The following TSEN15 variants were observed in gnomAD, a reference collection of about 807,000 sequenced individuals.
The protein encoded by TSEN15 is tRNA splicing endonuclease subunit 15, also known as tRNA-splicing endonuclease subunit Sen15.
TSEN15 carries 10 observed loss-of-function variants against 20.5 expected under a neutral mutation model. The ratio of observed to expected loss-of-function variants is 0.49; its 90% confidence interval spans 0.30 to 0.83. The LOEUF (loss-of-function observed/expected upper bound fraction) is 0.83. Ranked by LOEUF, TSEN15 falls within the 40% of genes least tolerant of loss-of-function variation. TSEN15 has a pLI of 0.06. For missense variants in TSEN15, 180 were observed against 218.6 expected (o/e 0.82, Z 1.11); for synonymous variants, 72 against 80.1 (o/e 0.90, Z 0.54).
At chr1:184,052,456 A>C (rs932382681) in intron 1 of TSEN15, among the ~76,000 whole-genome samples, 7 of 152,166 alleles carry the variant, frequency 4.6e-5, no homozygotes, top group African/African-American at 1.7e-4. Context: ...GCAGCAGGCG[A>C]GATCAAGATA....
Position 184,051,887 on chromosome 1 carries a change from T to G in TSEN15, c.132T>G (p.Pro44=), listed in dbSNP as rs1485122974. The change falls in exon 1 of 5, where the codon CCT becomes CCG. Residue 44 remains proline, a synonymous_variant. Transcript: ENST00000645668. The part of the protein sequence containing the change: ...APEDAWMGTH[P]KYLEMMELDI... ...AGGACGCCTGGATGGGCACTCACCC[T>G]AAGGTCAGGAGGCGCGAGAGGAGCA... is the stretch of plus-strand genomic sequence containing the variant. 6.5e-7 allele frequency: 1 copy of G among 1,549,292 alleles called. No individual in the cohort carries two copies. The highest frequency in any genetic ancestry group is 1.4e-5 in the African/African-American group (1 of 72,198).
At chr1:184,084,193 C>A (rs894807898) in intron 3 of TSEN15, among the ~76,000 whole-genome samples, 3 of 151,980 alleles carry the variant, frequency 2.0e-5, no homozygotes, top group African/African-American at 7.2e-5. Context: ...GCCCAGCATA[C>A]AATAATCTAT....
intron 3 of TSEN15, among the ~76,000 whole-genome samples, chr1:184,092,794 T>C (rs1163187278): frequency 6.6e-6 from 1 of 152,228 alleles, no homozygotes; most frequent in Non-Finnish European, 1.5e-5. Flanking sequence ...GAGGGCCTCA[T>C]TTCTGTAACA....
At position 184,059,866 on chromosome 1, in the gene TSEN15, T is replaced by A. The variant is rs142806687; in HGVS notation, c.353+5003T>A. 3.1e-3 allele frequency among the ~76,000 whole-genome samples: 470 copies of A among 152,360 alleles called. 2 individuals carry two copies. The highest frequency in any genetic ancestry group is 7.4e-3 in the African/African-American group (306 of 41,600). ...CATTACAGGTGTGAGCCACTAGGCC[T>A]GGCCTATCCCTTCATCTCTACTGGT... On this transcript the variant is annotated intron_variant, in intron 3 of 4. Coordinates refer to ENST00000645668, the MANE Select transcript of TSEN15 (RefSeq NM_052965.4).
chr1:184,056,012 C>T (rs1650239203), intron 3 of TSEN15, among the ~76,000 whole-genome samples: 1 of 151,620 alleles, frequency 6.6e-6, no homozygotes, highest in South Asian at 2.1e-4. Flanking sequence ...TGACCTTATA[C>T]ACTTAATATT....
intron 3 of TSEN15, chr1:184,070,659 T>C (rs1650848560): frequency 7.7e-7 from 1 of 1,291,072 alleles, no homozygotes; most frequent in African/African-American, 1.5e-5. Context: ...CTTAGCTACA[T>C]TAAAAGATTT....
intron 3 of TSEN15, among the ~76,000 whole-genome samples, chr1:184,088,430 C>CA (rs1651302074): frequency 6.6e-6 from 1 of 150,966 alleles, no homozygotes; most frequent in Non-Finnish European, 1.5e-5. Flanking sequence ...TCTTTGCTGC[C>CA]AAAAAATGGG....
intron 3 of TSEN15, chr1:184,094,203 A>G (rs956738184): frequency 2.6e-5 from 4 of 152,326 alleles, no homozygotes; most frequent in Admixed American, 2.6e-4. Context: ...AATAAGACCC[A>G]GAAAAGTTAA....
At chr1:184,095,311 T>C in intron 3 of TSEN15, 1 of 392,780 alleles carries the variant, frequency 2.5e-6, no homozygotes, top group Non-Finnish European at 4.5e-6. Flanking sequence ...CGCTAACAAC[T>C]TATTGTTGGT....
At chr1:184,092,868 T>C (rs963573321) in intron 3 of TSEN15, among the ~76,000 whole-genome samples, 2 of 152,234 alleles carry the variant, frequency 1.3e-5, no homozygotes, top group African/African-American at 4.8e-5. Context: ...GCCCCAGACC[T>C]GAAAGCACCG....
intron 3 of TSEN15, chr1:184,055,086 G>C: frequency 2.2e-6 from 1 of 461,472 alleles, no homozygotes; most frequent in Non-Finnish European, 3.7e-6. Context: ...AAAAGAAGAG[G>C]TTTAAGTGGC....
At chr1:184,074,613 C>T (rs150224662), downstream of TSEN15, among the ~76,000 whole-genome samples, 205 of 152,292 alleles carry the variant, frequency 1.3e-3, 1 homozygote, top group African/African-American at 4.7e-3. Context: ...TAATCACATA[C>T]ATCCCATCAC....
intron 3 of TSEN15, among the ~76,000 whole-genome samples, chr1:184,071,779 C>G (rs1276023727): frequency 1.3e-5 from 2 of 151,918 alleles, no homozygotes; most frequent in Non-Finnish European, 2.9e-5. Flanking sequence ...TGAATCCAAC[C>G]ATACCAATGT....
At chr1:184,078,619 CTAAG>C (rs1651107597), downstream of TSEN15, among the ~76,000 whole-genome samples, 1 of 152,058 alleles carries the variant, frequency 6.6e-6, no homozygotes, top group Non-Finnish European at 1.5e-5. Context: ...TGGCTCCAGA[CTAAG>C]TATTTGCTTC....
intron 3 of TSEN15, among the ~76,000 whole-genome samples, chr1:184,071,573 T>C (rs1325033136): frequency 6.6e-6 from 1 of 151,908 alleles, no homozygotes; most frequent in East Asian, 1.9e-4. Flanking sequence ...TGAGAGAAAT[T>C]GTGATAAACT....
At chr1:184,093,059 A>G (rs565162669) in intron 3 of TSEN15, among the ~76,000 whole-genome samples, 34 of 152,352 alleles carry the variant, frequency 2.2e-4, no homozygotes, top group Non-Finnish European at 4.4e-4. Flanking sequence ...GACTGGTACA[A>G]CACTATGAAC....
At chr1:184,063,704 G>T (rs1040104094) in intron 3 of TSEN15, among the ~76,000 whole-genome samples, 9 of 151,872 alleles carry the variant, frequency 5.9e-5, no homozygotes, top group African/African-American at 2.2e-4. Flanking sequence ...CATGATTAAA[G>T]AACATTTTAT....
chr1:184,095,477 C>G, intron 3 of TSEN15: 1 of 387,868 alleles, frequency 2.6e-6, no homozygotes. Context: ...CACTGAAGCT[C>G]TAATCTCCAG....
At chr1:184,090,022 A>G (rs981974637) in intron 3 of TSEN15, among the ~76,000 whole-genome samples, 3 of 152,242 alleles carry the variant, frequency 2.0e-5, no homozygotes, top group Non-Finnish European at 2.9e-5. Flanking sequence ...AGACCTGTAC[A>G]TGAGGTTTAT....
Sources: allele counts gnomAD v4.1 joint callset (sites outside exome capture counted in the v4.1 genomes callset), GRCh38; gene constraint gnomAD v4.1.1; transcripts MANE v1.5; gene names NCBI Gene and HGNC (gene_info 2026-07-23, HGNC 2026-07-21).